SPRED2: variants seen among roughly 807,000 people sequenced by gnomAD.
SPRED2 encodes sprouty-related, EVH1 domain-containing protein 2.
Under a neutral mutation model 43.0 loss-of-function variants are expected in SPRED2, and 47 were observed. The ratio of observed to expected loss-of-function variants is 1.09; its 90% CI spans 0.87 to 1.40. The LOEUF (loss-of-function observed/expected upper bound fraction) is 1.40. SPRED2 is among the 40% of genes most tolerant of loss of function. The pLI is 0.00. For missense variants in SPRED2, 561 were observed against 586.4 expected, an observed-to-expected ratio of 0.96 and a Z score of 0.45; for synonymous variants, 225 against 225.7, an observed-to-expected ratio of 1.00 and a Z score of 0.03.
At chr2:65,366,534 G>C in intron 1 of SPRED2, 1 of 1,525,180 alleles carries the variant, frequency 6.6e-7, no homozygotes, top group Non-Finnish European at 8.9e-7. Flanking sequence ...CACCAGAAAG[G>C]TTAAGAATAA....
intron 1 of SPRED2, among the ~76,000 whole-genome samples, chr2:65,365,500 A>C (rs2104327293): frequency 6.6e-6 from 1 of 152,356 alleles, no homozygotes; most frequent in African/African-American, 2.4e-5. Context: ...AAGAGAAACA[A>C]AGATTGCCGA....
intron 1 of SPRED2, among the ~76,000 whole-genome samples, chr2:65,360,101 A>AAAAAAAAAAAAAAAAAAAAAAAC (rs1674768482): frequency 7.9e-5 from 1 of 12,614 alleles, no homozygotes. Flanking sequence ...AAAAAAAAAC[A>AAAAAAAAAAAAAAAAAAAAAAAC]AAAAAAAAAA....
At chr2:65,331,093 G>A (rs1353117388) in intron 4 of SPRED2, among the ~76,000 whole-genome samples, 1 of 152,048 alleles carries the variant, frequency 6.6e-6, no homozygotes, top group Non-Finnish European at 1.5e-5. Flanking sequence ...TTCTTATTGT[G>A]GGTCAAGGCC....
At chr2:65,331,851 G>C (rs1335886561) in intron 4 of SPRED2, 136 bp downstream of exon 4, 5 of 626,648 alleles carry the variant, frequency 8.0e-6, no homozygotes, top group Non-Finnish European at 1.4e-5. Flanking sequence ...ATTGTAGTAA[G>C]ACAGAGATCG....
Position 65,334,713 on chromosome 2 carries a change from G to A in SPRED2, c.265C>T (p.His89Tyr). The A allele has an allele frequency of 6.2e-7, 1 of 1,614,222 alleles. No homozygotes were observed. The highest frequency in any genetic ancestry group is 8.5e-7 in the Non-Finnish European group (1 of 1,180,042). Residue 89 changes from histidine (H) to tyrosine (Y), a missense_variant, in exon 3 of 6, where the codon CAT becomes TAT. Transcript: ENST00000356388. ...TTCCTATTATCGACCTTCCAGTGATGAAACGTTGGATTGGCTTTGGTGTAG... is the reference window on the plus strand; with the variant it reads ...TTCCTATTATCGACCTTCCAGTGATAAAACGTTGGATTGGCTTTGGTGTAG... Reference protein sequence around the residue: ...LVYTKANPTFHHWKVDNRKFG... With the variant: ...LVYTKANPTFYHWKVDNRKFG...
At chr2:65,426,989 G>A (rs751152912) in intron 1 of SPRED2, among the ~76,000 whole-genome samples, 2 of 152,190 alleles carry the variant, frequency 1.3e-5, no homozygotes, top group African/African-American at 4.8e-5. Flanking sequence ...CCTTGCACTA[G>A]GCACTTAAGT....
At chr2:65,421,172 C>A (rs1400952527) in intron 1 of SPRED2, among the ~76,000 whole-genome samples, 1 of 152,024 alleles carries the variant, frequency 6.6e-6, no homozygotes, top group African/African-American at 2.4e-5. Context: ...AGAAAAAATT[C>A]TTCTAGTACA....
intron 4 of SPRED2, among the ~76,000 whole-genome samples, chr2:65,323,992 A>G (rs988796789): frequency 6.6e-6 from 1 of 151,696 alleles, no homozygotes; most frequent in African/African-American, 2.4e-5. Flanking sequence ...GTGGCACGGG[A>G]AGAGGCAAGG....
chr2:65,350,702 AT>A (rs1247671997), intron 1 of SPRED2, among the ~76,000 whole-genome samples: 1 of 152,252 alleles, frequency 6.6e-6, no homozygotes, highest in African/African-American at 2.4e-5. Context: ...AGAGAAAAAA[AT>A]CTTTCAAAAC....
intron 1 of SPRED2, among the ~76,000 whole-genome samples, chr2:65,397,339 G>A (rs777672984): frequency 2.6e-5 from 4 of 152,060 alleles, no homozygotes; most frequent in Admixed American, 6.6e-5. Flanking sequence ...AGCCCTCACC[G>A]CCCCCATCCT....
At chr2:65,411,207 CT>C (rs1224502438) in intron 1 of SPRED2, among the ~76,000 whole-genome samples, 2 of 152,200 alleles carry the variant, frequency 1.3e-5, no homozygotes, top group African/African-American at 4.8e-5. Context: ...CTCCAGCAAT[CT>C]TTTGAGGAAT....
At chr2:65,411,377 T>C (rs1676155605) in intron 1 of SPRED2, among the ~76,000 whole-genome samples, 1 of 152,202 alleles carries the variant, frequency 6.6e-6, no homozygotes, top group Non-Finnish European at 1.5e-5. Flanking sequence ...GTTGCAAAAG[T>C]GCTAATATGG....
chr2:65,354,370 C>T (rs1485436982), intron 1 of SPRED2, among the ~76,000 whole-genome samples: 1 of 152,152 alleles, frequency 6.6e-6, no homozygotes, highest in Non-Finnish European at 1.5e-5. Context: ...TCATAAAATG[C>T]TGGTTTTCTG....
intron 5 of SPRED2, 21 bp from the exon 6 acceptor site, chr2:65,314,190 C>A (rs377741340): frequency 6.5e-7 from 1 of 1,546,588 alleles, no homozygotes; most frequent in African/African-American, 1.4e-5. Context: ...GGAGAGGAGA[C>A]ATTATTTTAC....
chr2:65,399,383 CTTTTTTTTTT>C (rs34672484), intron 1 of SPRED2, among the ~76,000 whole-genome samples: 2 of 125,388 alleles, frequency 1.6e-5, no homozygotes, highest in African/African-American at 2.9e-5. Flanking sequence ...AACTATTATT[CTTTTTTTTTT>C]TTTTTTTTTG....
intron 1 of SPRED2, among the ~76,000 whole-genome samples, chr2:65,359,123 T>C (rs924694479): frequency 2.0e-5 from 3 of 152,176 alleles, no homozygotes; most frequent in Non-Finnish European, 4.4e-5. Context: ...TGGTGAGCAA[T>C]TAAGTCAAGT....
chr2:65,403,094 C>A (rs143091244), intron 1 of SPRED2, among the ~76,000 whole-genome samples: 25 of 152,336 alleles, frequency 1.6e-4, no homozygotes, highest in African/African-American at 6.0e-4. Flanking sequence ...AAGCTTCAGA[C>A]TTCACTAAAG....
intron 2 of SPRED2, among the ~76,000 whole-genome samples, chr2:65,337,274 T>G (rs114066823): frequency 6.6e-6 from 1 of 152,150 alleles, no homozygotes; most frequent in Admixed American, 6.5e-5. Flanking sequence ...TCCCAACAGA[T>G]ATAAACTCTC....
intron 1 of SPRED2, among the ~76,000 whole-genome samples, chr2:65,346,788 C>G (rs1674362946): frequency 6.6e-6 from 1 of 152,164 alleles, no homozygotes; most frequent in Admixed American, 6.5e-5. Flanking sequence ...CACCCTGACC[C>G]CTCTCACAAC....
Sources: gnomAD v4.1 joint callset for allele counts (sites outside exome capture counted in the v4.1 genomes callset) on GRCh38, gnomAD v4.1.1 for gene constraint, MANE v1.5 for transcripts, NCBI Gene and HGNC (gene_info 2026-07-23, HGNC 2026-07-21) for gene names.